The following AGAP1 variants were observed in gnomAD, a reference collection of about 807,000 sequenced individuals.
The protein encoded by AGAP1 is ArfGAP with GTPase domain, ankyrin repeat and PH domain 1.
In AGAP1, 29 loss-of-function variants were observed where a neutral mutation model predicts 105.3. The observed-to-expected ratio is 0.28, with a 90% confidence interval of 0.21 to 0.38. The LOEUF is 0.38. Ranked by LOEUF, AGAP1 falls within the 10% of genes least tolerant of loss-of-function variation. The pLI is 1.00. For missense variants in AGAP1, 998 were observed against 1,165.1 expected, an observed-to-expected ratio of 0.86 and a Z score of 2.09; for synonymous variants, 509 against 485.9, an observed-to-expected ratio of 1.05 and a Z score of -0.63.
intron 10 of AGAP1, among the ~76,000 whole-genome samples, chr2:235,884,605 C>T (rs10929150): frequency 0.022 from 3,349 of 152,062 alleles, 120 homozygotes; most frequent in African/African-American, 0.074. Context: ...TGCCTGCCAC[C>T]ATGCCCAGCT....
chr2:235,580,041 GT>G (rs905970182), intron 1 of AGAP1, among the ~76,000 whole-genome samples: 1 of 152,144 alleles, frequency 6.6e-6, no homozygotes, highest in African/African-American at 2.4e-5. Context: ...TTAATATAAT[GT>G]TTTTGAGATT....
chr2:235,850,507 A>C (rs1559561006), intron 9 of AGAP1, among the ~76,000 whole-genome samples: 1 of 152,170 alleles, frequency 6.6e-6, no homozygotes, highest in Non-Finnish European at 1.5e-5. Flanking sequence ...ATTAGTGTCC[A>C]TGCACCTTGG....
chr2:235,947,919 T>C (rs532542136), intron 12 of AGAP1, among the ~76,000 whole-genome samples: 30 of 152,218 alleles, frequency 2.0e-4, no homozygotes, highest in Non-Finnish European at 4.3e-4. Flanking sequence ...CTAAATAATT[T>C]GAATAACTTG....
intron 1 of AGAP1, among the ~76,000 whole-genome samples, chr2:235,698,572 T>C (rs1950108636): frequency 6.6e-6 from 1 of 152,256 alleles, no homozygotes; most frequent in African/African-American, 2.4e-5. Flanking sequence ...GGTGTTAAAA[T>C]GTTTTAAAGC....
chr2:235,721,446 A>T lies in AGAP1; in HGVS notation c.310+3802A>T, dbSNP rs1951376214. Among the ~76,000 whole-genome samples the T allele has an allele frequency of 1.3e-5, 2 of 152,004 alleles. No individual in the cohort carries two copies. Among genetic ancestry groups the T allele is most frequent in the African/African-American group, 4.8e-5 (2 of 41,372 alleles). On this transcript the variant is annotated intron_variant, in intron 3 of 17. Coordinates refer to ENST00000304032, the MANE Select transcript of AGAP1 (RefSeq NM_001037131.3). This position sits in a 1 kb window ranked among gnomAD's most constrained non-coding sequence, Gnocchi z 4.5. ...ATTCCATGAAATCAGTCAAAGAGTA[A>T]ACCTCTTGGATTGACAGATTCCTTA...
chr2:235,536,234 G>T (rs1943217476), intron 1 of AGAP1, among the ~76,000 whole-genome samples: 1 of 15,456 alleles, frequency 6.5e-5, no homozygotes. Context: ...GCAGGACCCT[G>T]GGGTTTGTGT....
intron 1 of AGAP1, among the ~76,000 whole-genome samples, chr2:235,632,040 C>T (rs1946845531): frequency 6.6e-6 from 1 of 152,302 alleles, no homozygotes; most frequent in South Asian, 2.1e-4. Flanking sequence ...GGACAGCCCA[C>T]CTGGAGATTT....
At position 235,888,324 on chromosome 2, in the gene AGAP1, C is replaced by T. The variant is rs951546318; in HGVS notation, c.1155+4875C>T. ...TCTCCCTCTGTGACACAGGGATGTT[C>T]AGGCATAGTAGCTGATGTCAGAGGA... On this transcript the variant is annotated intron_variant, in intron 10 of 17. Transcript: ENST00000304032. The surrounding 1 kb of genome is among the most constrained non-coding windows in gnomAD (Gnocchi z 4.8). 1.3e-5 allele frequency among the ~76,000 whole-genome samples: 2 copies of T among 152,042 alleles called. No homozygotes were observed. Among genetic ancestry groups the T allele is most frequent in the Non-Finnish European group, 2.9e-5 (2 of 68,022 alleles).
rs1312583184 is a variant in AGAP1 at position 235,566,611 on chromosome 2, C to A, written c.163+71762C>A. On this transcript the variant is annotated intron_variant, in intron 1 of 17. Coordinates refer to ENST00000304032, the MANE Select transcript of AGAP1 (RefSeq NM_001037131.3). The surrounding 1 kb of genome is among the most constrained non-coding windows in gnomAD (Gnocchi z 5.2). ...TGTGAGTGGGCAGGTCTGTCTCCTG[C>A]CTCTCTTATTTATGTTGTATGCCTG... 3 of 984,810 alleles carry A rather than the reference C, an allele frequency of 3.0e-6. No individual in the cohort carries two copies. Among genetic ancestry groups the A allele is most frequent in the African/African-American group, 3.5e-5 (2 of 57,306 alleles). 61.0% of individuals were successfully genotyped at this position (984,810 alleles called of 1,614,324 possible).
chr2:235,741,056 T>C lies in AGAP1; in HGVS notation c.396+8T>C, dbSNP rs534147616. On this transcript the variant is annotated splice_region_variant and intron_variant, in intron 4 of 17. Transcript: ENST00000304032. This position sits in a 1 kb window ranked among gnomAD's most constrained non-coding sequence, Gnocchi z 4.9. Reference sequence around the variant, plus strand: ...GGCCCCCCGGAGGCGCAGGTGAGTATACATGCATGCCCCAAGCCTGCTTTT... The same window carrying C: ...GGCCCCCCGGAGGCGCAGGTGAGTACACATGCATGCCCCAAGCCTGCTTTT... 3.7e-6 allele frequency: 6 copies of C among 1,612,352 alleles called. No homozygotes were observed. The highest frequency in any genetic ancestry group is 5.1e-6 in the Non-Finnish European group (6 of 1,178,780).
rs147531084 is a variant in AGAP1, at chr2:235,601,752, C to T, written c.163+106903C>T. Among the ~76,000 whole-genome samples, 811 of 152,196 alleles carry T rather than the reference C, an allele frequency of 5.3e-3. 5 individuals carry two copies. Among genetic ancestry groups the T allele is most frequent in the Admixed American group, 8.0e-3 (122 of 15,288 alleles). ...CACACTTGTAATCTCAGTGCTGAGGCGGGAGGATCACTGGAGGCCAGGAGT... is the reference window on the plus strand; with the variant it reads ...CACACTTGTAATCTCAGTGCTGAGGTGGGAGGATCACTGGAGGCCAGGAGT... On this transcript the variant is annotated intron_variant, in intron 1 of 17. Transcript: ENST00000304032. This position sits in a 1 kb window ranked among gnomAD's most constrained non-coding sequence, Gnocchi z 4.4.
intron 9 of AGAP1, among the ~76,000 whole-genome samples, chr2:235,838,918 T>C (rs1458844302): frequency 1.3e-5 from 2 of 152,210 alleles, no homozygotes; most frequent in African/African-American, 4.8e-5. Context: ...AAAAATCCAG[T>C]GCCTAAGACT....
chr2:235,816,796 C>A (rs1357735527), intron 9 of AGAP1, among the ~76,000 whole-genome samples: 1 of 151,852 alleles, frequency 6.6e-6, no homozygotes, highest in Non-Finnish European at 1.5e-5. Context: ...GAAGCCGAGG[C>A]ATGAGAATCG....
chr2:235,528,611 A>C (rs1300293098), intron 1 of AGAP1, among the ~76,000 whole-genome samples: 2 of 152,130 alleles, frequency 1.3e-5, no homozygotes, highest in Non-Finnish European at 2.9e-5. Flanking sequence ...CGCTTGTTTC[A>C]TATAGTAGCT....
rs113095522 is a variant in AGAP1 at position 236,015,856 on chromosome 2, C to T, written c.1646-20705C>T. ...CTGTTTTCTGGGCTGTTGATTTTAG[C>T]GATTGCCAAGCAATGGCATTAAATC... is the stretch of plus-strand genomic sequence containing the variant. On this transcript the variant is annotated intron_variant, in intron 13 of 17. Transcript: ENST00000304032. Among the ~76,000 whole-genome samples the T allele has an allele frequency of 4.1e-3, 627 of 152,216 alleles. 2 individuals are homozygous for T. Among genetic ancestry groups the T allele is most frequent in the South Asian group, 9.6e-3 (46 of 4,814 alleles).
At chr2:235,812,920 T>A (rs900765272) in intron 9 of AGAP1, among the ~76,000 whole-genome samples, 1 of 152,162 alleles carries the variant, frequency 6.6e-6, no homozygotes, top group Non-Finnish European at 1.5e-5. Flanking sequence ...ATTTACAGAG[T>A]GAACTGCCGT....
chr2:235,589,197 T>TG (rs1476537493), intron 1 of AGAP1, among the ~76,000 whole-genome samples: 3,977 of 93,502 alleles, frequency 0.043, 153 homozygotes, highest in Non-Finnish European at 0.058. Flanking sequence ...TTGTTTTGTT[T>TG]TTTTTTTTTT....
chr2:235,819,827 G>A (rs1163418971), intron 9 of AGAP1, among the ~76,000 whole-genome samples: 2 of 151,950 alleles, frequency 1.3e-5, no homozygotes, highest in East Asian at 3.9e-4. Flanking sequence ...GTATTTGGTA[G>A]GCAGGTTGCT....
chr2:235,538,427 A>ATGTGTGTGTGTGTGTGTGTGTG (rs57515821), intron 1 of AGAP1, among the ~76,000 whole-genome samples: 1,395 of 135,360 alleles, frequency 0.01, 31 homozygotes, highest in Admixed American at 0.013. Flanking sequence ...CTCAGCCACT[A>ATGTGTGTGTGTGTGTGTGTGTG]TGTGTGTGTG....
Sources: gnomAD v4.1 joint callset for allele counts (sites outside exome capture counted in the v4.1 genomes callset) on GRCh38, gnomAD v4.1.1 for gene constraint, Gnocchi (gnomAD v3.1) non-coding constraint, MANE v1.5 for transcripts, NCBI Gene and HGNC (gene_info 2026-07-23, HGNC 2026-07-21) for gene names.